The following UMODL1 variants were observed in gnomAD, a reference collection of about 807,000 sequenced individuals.
UMODL1 encodes the protein uromodulin-like 1.
UMODL1 carries 128 observed loss-of-function variants against 136.3 expected under a neutral mutation model. The observed-to-expected ratio is 0.94, with a 90% CI of 0.81 to 1.09. The LOEUF (loss-of-function observed/expected upper bound fraction) is 1.09. Among genes scored for constraint, UMODL1 ranks in the 50% least tolerant of loss-of-function variants. The pLI is 0.00. For missense variants in UMODL1, 1,766 were observed against 1,725.6 expected, an observed-to-expected ratio of 1.02 and a Z score of -0.41; for synonymous variants, 721 against 720.0, an observed-to-expected ratio of 1.00 and a Z score of -0.02.
intron 22 of UMODL1, among the ~76,000 whole-genome samples, chr21:42,140,566 C>T (rs1055803758): frequency 1.3e-5 from 2 of 152,196 alleles, no homozygotes; most frequent in Non-Finnish European, 2.9e-5. Context: ...GACTGATGGA[C>T]CCTTAGAACA....
intron 11 of UMODL1, 36 bp downstream of exon 11, chr21:42,111,157 G>A: frequency 6.3e-7 from 1 of 1,588,804 alleles, no homozygotes; most frequent in Non-Finnish European, 8.6e-7. Flanking sequence ...GGATGGACCA[G>A]GGGAGCCCCA....
chr21:42,119,889 G>A (rs965145710), intron 15 of UMODL1, among the ~76,000 whole-genome samples: 1 of 152,180 alleles, frequency 6.6e-6, no homozygotes, highest in Admixed American at 6.5e-5. Flanking sequence ...AAAACGATGA[G>A]ATGCTGACTG....
chr21:42,141,634 C>T (rs2067283169), intron 22 of UMODL1, among the ~76,000 whole-genome samples: 1 of 151,998 alleles, frequency 6.6e-6, no homozygotes. Context: ...GGGCTCCTGT[C>T]TTTCGAAGTG....
In UMODL1 at chr21:42,113,687, T is replaced by C. The variant is rs202055123; in HGVS notation, c.2219T>C (p.Met740Thr). The change falls in exon 13 of 23, where the codon ATG (methionine) becomes ACG (threonine). Residue 740 changes from methionine (M) to threonine (T), a missense_variant. By Grantham distance (81) the Met-to-Thr change is moderately conservative. Transcript: ENST00000408910. ...ACCTTCCAGCTCACTCTGACTTCCATGTGGAGCCCTGCTGTGGTCCTAGAG... is the reference window on the plus strand; with the variant it reads ...ACCTTCCAGCTCACTCTGACTTCCACGTGGAGCCCTGCTGTGGTCCTAGAG... ...DSTFQLTLTS[M>T]WSPAVVLETW... 314 of 1,614,044 alleles carry C rather than the reference T, an allele frequency of 1.9e-4. No individual in the cohort carries two copies. Among genetic ancestry groups the C allele is most frequent in the African/African-American group, 2.9e-4 (22 of 75,024 alleles).
At chr21:42,133,395 G>T (rs974365836) in intron 21 of UMODL1, among the ~76,000 whole-genome samples, 2 of 152,224 alleles carry the variant, frequency 1.3e-5, no homozygotes. Context: ...CTGGGCCTGC[G>T]AGTGCAGATC....
At chr21:42,113,354 C>G (rs2066861297) in intron 12 of UMODL1, among the ~76,000 whole-genome samples, 1 of 152,080 alleles carries the variant, frequency 6.6e-6, no homozygotes, top group Admixed American at 6.6e-5. Flanking sequence ...AATCAGAAGC[C>G]ATTTGCTATC....
intron 1 of UMODL1, among the ~76,000 whole-genome samples, chr21:42,071,691 T>A: frequency 6.6e-6 from 1 of 151,872 alleles, no homozygotes; most frequent in Non-Finnish European, 1.5e-5. Context: ...AGGTCTGGGG[T>A]GCAGGGCCTG....
Position 42,099,842 on chromosome 21 carries a change from G to A in UMODL1, c.1186+662G>A, listed in dbSNP as rs1314584814. On this transcript the variant is annotated intron_variant, in intron 7 of 22. Transcript: ENST00000408910. This position sits in a 1 kb window ranked among gnomAD's most constrained non-coding sequence, Gnocchi z 4.1. ...ACCACAGGCACACACCACCACACCA[G>A]GCTAAATTTTTTATTTTTCATAAGG... Among the ~76,000 whole-genome samples, 1 of 152,116 alleles carries A rather than the reference G, an allele frequency of 6.6e-6. No individual in the cohort carries two copies. The highest frequency in any genetic ancestry group is 1.5e-5 in the Non-Finnish European group (1 of 68,006).
chr21:42,074,186 C>T (rs561282564), intron 1 of UMODL1, among the ~76,000 whole-genome samples: 1 of 152,340 alleles, frequency 6.6e-6, no homozygotes, highest in South Asian at 2.1e-4. Flanking sequence ...AGTCTCTGCT[C>T]CGGGCCTCCA....
At chr21:42,087,982 A>G (rs1453062100) in intron 4 of UMODL1, among the ~76,000 whole-genome samples, 1 of 152,174 alleles carries the variant, frequency 6.6e-6, no homozygotes, top group Admixed American at 6.5e-5. Flanking sequence ...ACCTTCACTA[A>G]TTATATCTGC....
chr21:42,124,068 A>G (rs2067017854), intron 17 of UMODL1, among the ~76,000 whole-genome samples: 1 of 152,186 alleles, frequency 6.6e-6, no homozygotes, highest in Non-Finnish European at 1.5e-5. Context: ...TGTGGCACCC[A>G]TGAGGTAGCT....
intron 7 of UMODL1, among the ~76,000 whole-genome samples, chr21:42,100,186 G>A (rs2066609562): frequency 6.6e-6 from 1 of 152,192 alleles, no homozygotes; most frequent in Admixed American, 6.5e-5. Context: ...TTCTGGTTCT[G>A]GGTTCCGATG....
At chr21:42,071,005 C>G (rs1184104185), upstream of UMODL1, among the ~76,000 whole-genome samples, 1 of 152,212 alleles carries the variant, frequency 6.6e-6, no homozygotes, top group Admixed American at 6.5e-5. Flanking sequence ...GAGATGGGAT[C>G]CAGCGATGCG....
At position 42,113,760 on chromosome 21, in the gene UMODL1, G is replaced by C. The variant is rs764959027; in HGVS notation, c.2292G>C (p.Leu764Phe). The change falls in exon 13 of 23, where the codon TTG becomes TTC. Residue 764 changes from leucine to phenylalanine, a missense_variant. Leu to Phe is a conservative substitution (Grantham distance 22). Coordinates refer to ENST00000408910, the MANE Select transcript of UMODL1 (RefSeq NM_001004416.3). ...TGTCGGGGCTGGAGCCTGGGGTCTT[G>C]CACCTGGTTGAGATCATGGCCAAAG... ...VTLSGLEPGV[L>F]HLVEIMAKAC... 1 of 1,614,098 alleles carries C rather than the reference G, an allele frequency of 6.2e-7. No homozygotes were observed. The highest frequency in any genetic ancestry group is 2.2e-5 in the East Asian group (1 of 44,880).
At chr21:42,109,130 A>C (rs1256278450) in intron 9 of UMODL1, among the ~76,000 whole-genome samples, 7 of 75,774 alleles carry the variant, frequency 9.2e-5, no homozygotes, top group Admixed American at 3.4e-4. Flanking sequence ...CTGGACCCCC[A>C]CCCCCCATGC....
chr21:42,111,958 G>T (rs1426763726), intron 12 of UMODL1, among the ~76,000 whole-genome samples: 1 of 152,134 alleles, frequency 6.6e-6, no homozygotes, highest in Non-Finnish European at 1.5e-5. Flanking sequence ...CCTGTCTGCA[G>T]CAGCTGGGGC....
chr21:42,084,836 A>ATG (rs905820908), intron 3 of UMODL1, among the ~76,000 whole-genome samples: 14 of 150,736 alleles, frequency 9.3e-5, no homozygotes, highest in South Asian at 2.1e-4. Context: ...ATATTATGAT[A>ATG]ATACTATATC....
intron 6 of UMODL1, among the ~76,000 whole-genome samples, chr21:42,095,968 G>A (rs574604896): frequency 6.6e-6 from 1 of 152,268 alleles, no homozygotes; most frequent in Admixed American, 6.5e-5. Flanking sequence ...GCTCACACCA[G>A]GGAGTTAATT....
chr21:42,084,525 G>A (rs530797766), intron 3 of UMODL1, among the ~76,000 whole-genome samples: 18 of 152,332 alleles, frequency 1.2e-4, no homozygotes, highest in Non-Finnish European at 1.9e-4. Flanking sequence ...CAGTTTGCCT[G>A]GAGAGGCCAG....
Sources: gnomAD v4.1 joint callset for allele counts (sites outside exome capture counted in the v4.1 genomes callset) on GRCh38, gnomAD v4.1.1 for gene constraint, Gnocchi (gnomAD v3.1) non-coding constraint, MANE v1.5 for transcripts, NCBI Gene and HGNC (gene_info 2026-07-23, HGNC 2026-07-21) for gene names.